The following MBD5 variants were observed in gnomAD, a reference collection of about 807,000 sequenced individuals.
The protein encoded by MBD5 is methyl-CpG-binding domain protein 5.
A neutral mutation model predicts 117.3 loss-of-function variants in MBD5; 13 were observed. That is an observed-to-expected ratio of 0.11 (90% CI 0.07 to 0.18). The LOEUF is 0.18. Ranked by LOEUF, MBD5 falls within the 10% of genes least tolerant of loss-of-function variation. MBD5 has a pLI of 1.00. For synonymous variants in MBD5, 727 were observed against 766.4 expected (o/e 0.95, Z 0.85); for missense variants, 1,879 against 2,093.8 (o/e 0.90, Z 2.00).
intron 4 of MBD5, among the ~76,000 whole-genome samples, chr2:148,371,494 A>C (rs1353006787): frequency 6.6e-6 from 1 of 152,178 alleles, no homozygotes. Flanking sequence ...CTGTATCAAC[A>C]ACCAACAGAT....
At chr2:148,029,191 T>G (rs1488271445) in intron 1 of MBD5, among the ~76,000 whole-genome samples, 1 of 152,118 alleles carries the variant, frequency 6.6e-6, no homozygotes, top group Non-Finnish European at 1.5e-5. Flanking sequence ...ATTTAGGTGT[T>G]AACCTTTAAT....
At position 148,178,950 on chromosome 2, in the gene MBD5, C is replaced by T. The variant is rs1261197642; in HGVS notation, c.-831+157C>T. On this transcript the variant is annotated intron_variant, in intron 2 of 13. Coordinates refer to ENST00000642680, the MANE Select transcript of MBD5 (RefSeq NM_001378120.1). ...TCATATTCAGACACAAATTTTTATT[C>T]CATAATATCATCTTGACAGAAAGTA... is the stretch of plus-strand genomic sequence containing the variant. 2.6e-5 allele frequency among the ~76,000 whole-genome samples: 4 copies of T among 152,150 alleles called. No individual in the cohort carries two copies. The East Asian group carries it at 7.7e-4, about 29-fold the overall frequency.
intron 4 of MBD5, among the ~76,000 whole-genome samples, chr2:148,344,229 G>T (rs114715322): frequency 0.01 from 1,526 of 152,094 alleles, 24 homozygotes; most frequent in African/African-American, 0.035. Flanking sequence ...TTATAGTATA[G>T]TTTGAAGTTG....
chr2:148,076,348 G>T (rs1404454218), intron 1 of MBD5, among the ~76,000 whole-genome samples: 1 of 152,152 alleles, frequency 6.6e-6, no homozygotes, highest in Non-Finnish European at 1.5e-5. Flanking sequence ...GAAGTAATGA[G>T]AAATAACCAC....
intron 4 of MBD5, among the ~76,000 whole-genome samples, chr2:148,367,931 G>T (rs547228936): frequency 6.6e-6 from 1 of 152,070 alleles, no homozygotes; most frequent in East Asian, 1.9e-4. Flanking sequence ...ATTCCTCAAG[G>T]ATCTAAACCA....
At chr2:148,357,831 G>A (rs986879080) in intron 4 of MBD5, among the ~76,000 whole-genome samples, 1 of 151,886 alleles carries the variant, frequency 6.6e-6, no homozygotes, top group African/African-American at 2.4e-5. Flanking sequence ...AAAGTCTTTC[G>A]TATTCTCTGT....
At chr2:148,174,870 T>C (rs1200166196) in intron 1 of MBD5, among the ~76,000 whole-genome samples, 1 of 151,526 alleles carries the variant, frequency 6.6e-6, no homozygotes, top group Non-Finnish European at 1.5e-5. Context: ...AATGTACACA[T>C]GTGGAAAACT....
At chr2:148,054,488 T>C (rs1694804746) in intron 1 of MBD5, 1 of 152,202 alleles carries the variant, frequency 6.6e-6, no homozygotes, top group Admixed American at 6.5e-5. Context: ...AACAATACTT[T>C]CTAAAATGTG....
chr2:148,291,632 C>A (rs1701503166), intron 3 of MBD5, among the ~76,000 whole-genome samples: 1 of 151,998 alleles, frequency 6.6e-6, no homozygotes, highest in Admixed American at 6.6e-5. Context: ...ATTTTTAGAA[C>A]ATTCCTTTGG....
At chr2:148,491,803 T>G (rs182993625) in intron 11 of MBD5, among the ~76,000 whole-genome samples, 92 of 152,042 alleles carry the variant, frequency 6.1e-4, no homozygotes, top group Non-Finnish European at 1.1e-3. Flanking sequence ...AAAACCTAAA[T>G]ATTTTTGACA....
At chr2:148,295,380 A>G (rs1701623989) in intron 3 of MBD5, among the ~76,000 whole-genome samples, 1 of 152,072 alleles carries the variant, frequency 6.6e-6, no homozygotes, top group Non-Finnish European at 1.5e-5. Context: ...TTCCATCCGG[A>G]ATTTCCACTT....
At chr2:148,235,545 C>A (rs1195210290) in intron 3 of MBD5, among the ~76,000 whole-genome samples, 1 of 151,998 alleles carries the variant, frequency 6.6e-6, no homozygotes. Context: ...GTTATACTGG[C>A]AAAAACTTTT....
intron 4 of MBD5, among the ~76,000 whole-genome samples, chr2:148,419,455 G>A (rs1166086465): frequency 6.6e-6 from 1 of 152,098 alleles, no homozygotes; most frequent in East Asian, 1.9e-4. Flanking sequence ...ATGCATTTCT[G>A]TGAATTTTAT....
intron 1 of MBD5, 123 bp downstream of exon 1, chr2:148,021,807 G>C (rs17225144): frequency 5.8e-4 from 120 of 208,328 alleles, no homozygotes; most frequent in Non-Finnish European, 9.6e-4. Context: ...GTGCTGGGGG[G>C]GGTGAAGGAG....
chr2:148,091,632 T>A (rs192363005), intron 1 of MBD5, among the ~76,000 whole-genome samples: 7 of 152,112 alleles, frequency 4.6e-5, no homozygotes, highest in Admixed American at 6.6e-5. Context: ...TGGATCCTTA[T>A]CTCTCACCTT....
chr2:148,119,752 A>C (rs1696721700), intron 1 of MBD5, among the ~76,000 whole-genome samples: 1 of 152,132 alleles, frequency 6.6e-6, no homozygotes, highest in African/African-American at 2.4e-5. Flanking sequence ...ACATTTATTG[A>C]AGGTGATTCT....
At chr2:148,294,010 A>T (rs546135101) in intron 3 of MBD5, among the ~76,000 whole-genome samples, 2 of 152,116 alleles carry the variant, frequency 1.3e-5, no homozygotes, top group Non-Finnish European at 2.9e-5. Flanking sequence ...TTTTATAATT[A>T]CTTTTACTTG....
intron 1 of MBD5, among the ~76,000 whole-genome samples, chr2:148,033,600 G>T (rs970502325): frequency 1.1e-4 from 17 of 152,080 alleles, no homozygotes; most frequent in Non-Finnish European, 2.5e-4. Flanking sequence ...AAAAATAATT[G>T]ATTAAGCAAC....
intron 3 of MBD5, among the ~76,000 whole-genome samples, chr2:148,304,807 A>G (rs1701852010): frequency 1.3e-5 from 2 of 152,216 alleles, no homozygotes; most frequent in Non-Finnish European, 2.9e-5. Context: ...TCACGCCTGT[A>G]ATCCCAGCAC....
Sources: gnomAD v4.1 joint callset for allele counts (sites outside exome capture counted in the v4.1 genomes callset) on GRCh38, gnomAD v4.1.1 for gene constraint, MANE v1.5 for transcripts, NCBI Gene and HGNC (gene_info 2026-07-23, HGNC 2026-07-21) for gene names.